DSCAM: variants seen among roughly 807,000 people sequenced by gnomAD.
DSCAM encodes DS cell adhesion molecule.
Under a neutral mutation model 217.7 loss-of-function variants are expected in DSCAM, and 47 were observed. That is an observed-to-expected ratio of 0.22 (90% CI 0.17 to 0.28). DSCAM has a LOEUF of 0.28. Among genes scored for constraint, DSCAM ranks in the 10% least tolerant of loss-of-function variants. The pLI is 1.00. For synonymous variants in DSCAM, 1,056 were observed against 1,015.3 expected, an observed-to-expected ratio of 1.04 and a Z score of -0.76; for missense variants, 2,080 against 2,618.3, an observed-to-expected ratio of 0.79 and a Z score of 4.49.
chr21:40,634,985 C>A (rs2089737420), intron 3 of DSCAM, among the ~76,000 whole-genome samples: 1 of 152,164 alleles, frequency 6.6e-6, no homozygotes, highest in African/African-American at 2.4e-5. Context: ...ATAAGTTTCA[C>A]AAAGATAGGA....
intron 3 of DSCAM, among the ~76,000 whole-genome samples, chr21:40,614,043 A>T (rs1202629343): frequency 6.6e-6 from 1 of 152,200 alleles, no homozygotes; most frequent in Non-Finnish European, 1.5e-5. Flanking sequence ...CCCCTGTGAG[A>T]TGCACAGATA....
chr21:40,650,211 A>C (rs1468769424), intron 3 of DSCAM, among the ~76,000 whole-genome samples: 1 of 152,240 alleles, frequency 6.6e-6, no homozygotes, highest in Non-Finnish European at 1.5e-5. Flanking sequence ...ATTTCATCCA[A>C]GCATCTCTAA....
chr21:40,406,849 C>G (rs541560057), intron 3 of DSCAM, among the ~76,000 whole-genome samples: 12 of 152,208 alleles, frequency 7.9e-5, no homozygotes, highest in African/African-American at 2.6e-4. Flanking sequence ...GAACTCCTGA[C>G]CTCGAGTGAT....
intron 11 of DSCAM, among the ~76,000 whole-genome samples, chr21:40,218,521 C>T (rs114054678): frequency 0.017 from 2,602 of 152,066 alleles, 67 homozygotes; most frequent in African/African-American, 0.057. Context: ...TTTTCTAGTT[C>T]TGTGAAGAAT....
intron 3 of DSCAM, among the ~76,000 whole-genome samples, chr21:40,477,133 TTTTAA>T (rs2075943676): frequency 6.6e-6 from 1 of 152,120 alleles, no homozygotes; most frequent in South Asian, 2.1e-4. Flanking sequence ...ATAAAATGTG[TTTTAA>T]TTTAAAAAGA....
intron 8 of DSCAM, among the ~76,000 whole-genome samples, chr21:40,330,027 C>A (rs1242379383): frequency 6.6e-6 from 1 of 151,844 alleles, no homozygotes; most frequent in Non-Finnish European, 1.5e-5. Flanking sequence ...AGTGTTCTTA[C>A]CACAAACATG....
At chr21:40,725,160 GT>G (rs1174770116) in intron 1 of DSCAM, among the ~76,000 whole-genome samples, 2 of 152,120 alleles carry the variant, frequency 1.3e-5, no homozygotes, top group African/African-American at 2.4e-5. Context: ...TCTCCACAAT[GT>G]TAAATCCATT....
At chr21:40,203,611 T>G (rs2091094026) in intron 11 of DSCAM, among the ~76,000 whole-genome samples, 1 of 152,266 alleles carries the variant, frequency 6.6e-6, no homozygotes, top group East Asian at 1.9e-4. Flanking sequence ...GGTATTTATG[T>G]TCTGAATCAT....
chr21:40,802,435 A>G (rs1401370239), intron 1 of DSCAM, among the ~76,000 whole-genome samples: 1 of 151,986 alleles, frequency 6.6e-6, no homozygotes, highest in African/African-American at 2.4e-5. Context: ...GGTTATGGGG[A>G]TGGATTGCAT....
chr21:40,604,445 T>A (rs1320324732), intron 3 of DSCAM, among the ~76,000 whole-genome samples: 1 of 152,204 alleles, frequency 6.6e-6, no homozygotes, highest in Admixed American at 6.6e-5. Context: ...TGATGCTTAT[T>A]CTGTCTCTTC....
intron 1 of DSCAM, among the ~76,000 whole-genome samples, chr21:40,805,009 A>G (rs1401284999): frequency 6.6e-6 from 1 of 152,190 alleles, no homozygotes; most frequent in Non-Finnish European, 1.5e-5. Context: ...ACGTCCACTC[A>G]GCTGTCTGAA....
intron 1 of DSCAM, among the ~76,000 whole-genome samples, chr21:40,717,283 G>A (rs2090852456): frequency 6.6e-6 from 1 of 152,210 alleles, no homozygotes; most frequent in Non-Finnish European, 1.5e-5. Context: ...AGTGTCAGGT[G>A]CCAAGCTAAA....
chr21:40,505,262 C>T (rs2076201265), intron 3 of DSCAM, among the ~76,000 whole-genome samples: 1 of 152,176 alleles, frequency 6.6e-6, no homozygotes, highest in Admixed American at 6.5e-5. Context: ...AGATTCAGCA[C>T]AGTTTGAAAA....
chr21:40,784,235 TG>T (rs1346667680), intron 1 of DSCAM, among the ~76,000 whole-genome samples: 1 of 152,120 alleles, frequency 6.6e-6, no homozygotes, highest in East Asian at 1.9e-4. Context: ...AATTGAATCA[TG>T]GGGGCGGTTT....
Position 40,111,512 on chromosome 21 carries a change from G to A in DSCAM, c.3696+12683C>T, listed in dbSNP as rs1388202824. Among the ~76,000 whole-genome samples, 7 of 152,002 alleles carry A rather than the reference G, an allele frequency of 4.6e-5. No individual in the cohort carries two copies. The East Asian group carries it at 1.2e-3, about 25-fold the overall frequency. On this transcript the variant is annotated intron_variant, in intron 20 of 32. Coordinates refer to ENST00000400454, the MANE Select transcript of DSCAM (RefSeq NM_001389.5). ...CTAGGAAGAAACTGCATCAACTAAC[G>A]AGCAAAATAACCAGCTAACATCATG...
At chr21:40,178,507 T>C (rs911053860) in intron 15 of DSCAM, among the ~76,000 whole-genome samples, 1 of 152,230 alleles carries the variant, frequency 6.6e-6, no homozygotes, top group Non-Finnish European at 1.5e-5. Context: ...TCCCGCACAG[T>C]AAGCATGCTT....
At chr21:40,796,848 G>GA (rs2091695818) in intron 1 of DSCAM, among the ~76,000 whole-genome samples, 1 of 151,988 alleles carries the variant, frequency 6.6e-6, no homozygotes, top group African/African-American at 2.4e-5. Flanking sequence ...AATTAGAAAT[G>GA]AAAAAAAGCA....
intron 1 of DSCAM, among the ~76,000 whole-genome samples, chr21:40,843,368 ATG>A (rs36229663): frequency 0.046 from 6,684 of 145,922 alleles, 169 homozygotes; most frequent in Non-Finnish European, 0.058. Flanking sequence ...GAATGCATGC[ATG>A]TGTGTGTGTG....
At chr21:40,314,272 G>A (rs1029035479) in intron 8 of DSCAM, among the ~76,000 whole-genome samples, 5 of 152,210 alleles carry the variant, frequency 3.3e-5, no homozygotes, top group Non-Finnish European at 5.9e-5. Flanking sequence ...ACAGCCAGAG[G>A]TCGAAGAAGT....
Sources: allele counts gnomAD v4.1 joint callset (sites outside exome capture counted in the v4.1 genomes callset), GRCh38; gene constraint gnomAD v4.1.1; transcripts MANE v1.5; gene names NCBI Gene and HGNC (gene_info 2026-07-23, HGNC 2026-07-21).